The following NDRG2 variants were observed in gnomAD, a reference collection of about 807,000 sequenced individuals.
The protein encoded by NDRG2 is protein NDRG2.
In NDRG2, 34 loss-of-function variants were observed where a neutral mutation model predicts 58.2. The observed-to-expected ratio is 0.58, with a 90% confidence interval of 0.44 to 0.78. The LOEUF (loss-of-function observed/expected upper bound fraction) is 0.78, where lower values mean the gene tolerates loss of function less well. Among genes scored for constraint, NDRG2 ranks in the 30% least tolerant of loss-of-function variants. The pLI is 0.00. For synonymous variants in NDRG2, 187 were observed against 175.9 expected (o/e 1.06, Z -0.50); for missense variants, 434 against 471.2 (o/e 0.92, Z 0.73).
At position 21,020,821 on chromosome 14, in the gene NDRG2, C is replaced by T. The variant is rs1372391805; in HGVS notation, c.431G>A (p.Gly144Asp). 5 of 1,613,646 alleles carry T rather than the reference C, an allele frequency of 3.1e-6. No homozygotes were observed. The highest frequency in any genetic ancestry group is 3.4e-6 in the Non-Finnish European group (4 of 1,179,928). Residue 144 changes from glycine to aspartate, a missense_variant, in exon 7 of 16, where the codon GGT (glycine) becomes GAT (aspartate). Coordinates refer to ENST00000556147, the MANE Select transcript of NDRG2 (RefSeq NM_001320329.2). ...YLNFSTIIGV[G>D]VGAGAYILAR... ...CAGGATGTAGGCTCCAGCTCCAACACCAACTCCAATTATTGTAGAGAAACT... is the reference window on the plus strand; with the variant it reads ...CAGGATGTAGGCTCCAGCTCCAACATCAACTCCAATTATTGTAGAGAAACT...
intron 1 of NDRG2, among the ~76,000 whole-genome samples, chr14:21,049,014 A>G (rs144137728): frequency 6.6e-6 from 1 of 152,346 alleles, no homozygotes; most frequent in East Asian, 1.9e-4. Context: ...AAGATTACTT[A>G]AGGGAAGTTT....
At chr14:21,045,207 G>T (rs1416820962) in intron 1 of NDRG2, among the ~76,000 whole-genome samples, 1 of 152,180 alleles carries the variant, frequency 6.6e-6, no homozygotes, top group Non-Finnish European at 1.5e-5. Flanking sequence ...GGACAAGCCC[G>T]CAGGCAGAGT....
At chr14:21,043,614 T>A in intron 1 of NDRG2, 2 of 632,334 alleles carry the variant, frequency 3.2e-6, no homozygotes, top group Non-Finnish European at 2.8e-6. Context: ...GACACTCTGG[T>A]GAGCTGAGCT....
At chr14:21,039,073 T>C (rs547631050) in intron 1 of NDRG2, among the ~76,000 whole-genome samples, 13 of 152,320 alleles carry the variant, frequency 8.5e-5, no homozygotes, top group Non-Finnish European at 1.3e-4. Context: ...GGGCTTTCCA[T>C]TGGTATCCAG....
Position 21,021,890 on chromosome 14 carries a change from GA to G in NDRG2, c.345-12del. On this transcript the variant is annotated splice_polypyrimidine_tract_variant and intron_variant, in intron 5 of 15. Transcript: ENST00000556147. ...GATGGGTACTGATATCTGGAAAAGA[GA>G]GGCATGTTAAGGAAGATACCAACCT... 1 of 1,612,704 alleles carries G rather than the reference GA, an allele frequency of 6.2e-7. No individual in the cohort carries two copies. Among genetic ancestry groups the G allele is most frequent in the African/African-American group, 1.3e-5 (1 of 74,950 alleles).
intron 2 of NDRG2, 118 bp from the exon 3 acceptor site, chr14:21,023,023 AAG>A: frequency 8.0e-7 from 1 of 1,245,720 alleles, no homozygotes; most frequent in Non-Finnish European, 1.2e-6. Flanking sequence ...CAAAGACAGA[AAG>A]AGATTGACAA....
chr14:21,025,316 G>A (rs955153254), upstream of NDRG2: 18 of 959,708 alleles, frequency 1.9e-5, no homozygotes, highest in African/African-American at 3.5e-5. The surrounding 1 kb of genome is among the most constrained non-coding windows in gnomAD (Gnocchi z 5.1). Flanking sequence ...CCCGCATTGG[G>A]GCGGTGTGGG....
chr14:21,017,469 A>T lies in NDRG2; in HGVS notation c.*127T>A. On this transcript the variant is annotated 3_prime_UTR_variant, in exon 16 of 16. Transcript: ENST00000556147. The stretch of plus-strand genomic sequence containing the variant: ...AGGTTAGGGTAGCAATCAAAGATCA[A>T]GGTCATCTCCCCGCATGATCTGCCC... 1 of 1,059,190 alleles carries T rather than the reference A, an allele frequency of 9.4e-7. No individual in the cohort carries two copies. The highest frequency in any genetic ancestry group is 1.4e-6 in the Non-Finnish European group (1 of 740,468). 65.6% of individuals were successfully genotyped at this position (1,059,190 alleles called of 1,614,324 possible). A position where few individuals can be genotyped will look rare whatever the true frequency, so the allele number is the denominator to read the frequency against.
At chr14:21,052,360 A>T (rs1885503691) in intron 1 of NDRG2, among the ~76,000 whole-genome samples, 1 of 152,240 alleles carries the variant, frequency 6.6e-6, no homozygotes, top group South Asian at 2.1e-4. Context: ...TTTAGAACCC[A>T]AATGAGTGAT....
intron 6 of NDRG2, chr14:21,021,275 G>A (rs1173827218): frequency 2.7e-6 from 1 of 366,710 alleles, no homozygotes; most frequent in Non-Finnish European, 5.4e-6. Flanking sequence ...TGGAGAGAAT[G>A]AGGAAAAGAG....
chr14:21,027,093 G>T (rs868084161), upstream of NDRG2, among the ~76,000 whole-genome samples: 2 of 152,204 alleles, frequency 1.3e-5, no homozygotes, highest in African/African-American at 2.4e-5. Flanking sequence ...CTACGCAGGG[G>T]CGCAGGGCAG....
At chr14:21,059,654 G>A (rs987708943) in intron 1 of NDRG2, among the ~76,000 whole-genome samples, 2 of 151,896 alleles carry the variant, frequency 1.3e-5, no homozygotes, top group African/African-American at 2.4e-5. Flanking sequence ...GCATGGCACC[G>A]CACCTGGCTA....
upstream of NDRG2, chr14:21,030,563 C>T (rs1328741644): frequency 3.7e-6 from 6 of 1,611,488 alleles, no homozygotes; most frequent in South Asian, 1.1e-5. Context: ...CGACTGCCCT[C>T]CCCGACCTCT....
intron 11 of NDRG2, 150 bp from the exon 12 acceptor site, chr14:21,018,964 G>T (rs1039608953): frequency 3.2e-6 from 4 of 1,261,612 alleles, no homozygotes; most frequent in Admixed American, 2.3e-5. Flanking sequence ...GATTCAAAGG[G>T]GGAAGACCTA....
upstream of NDRG2, among the ~76,000 whole-genome samples, chr14:21,027,607 A>C (rs1413620077): frequency 6.6e-6 from 1 of 152,238 alleles, no homozygotes; most frequent in Non-Finnish European, 1.5e-5. Flanking sequence ...CTATGAATTC[A>C]TCAATACTTT....
At chr14:21,040,956 G>T (rs1002733456) in intron 1 of NDRG2, among the ~76,000 whole-genome samples, 12 of 149,296 alleles carry the variant, frequency 8.0e-5, no homozygotes, top group African/African-American at 2.7e-4. Flanking sequence ...ACAAAGGCAG[G>T]GACTTTTGTC....
At chr14:21,022,781 G>A in intron 3 of NDRG2, 83 bp downstream of exon 3, 1 of 1,384,638 alleles carries the variant, frequency 7.2e-7, no homozygotes, top group Non-Finnish European at 1.0e-6. Flanking sequence ...AAAGAGAGAA[G>A]AGAGGGCCAA....
At chr14:21,021,127 A>T (rs988023700) in intron 6 of NDRG2, 3 of 589,680 alleles carry the variant, frequency 5.1e-6, no homozygotes, top group Non-Finnish European at 3.2e-6. Context: ...CTGTTTTCCC[A>T]TATAGATAGC....
intron 1 of NDRG2, among the ~76,000 whole-genome samples, chr14:21,037,542 G>A (rs1181877198): frequency 1.3e-5 from 2 of 152,194 alleles, no homozygotes; most frequent in African/African-American, 4.8e-5. Flanking sequence ...CTGGCCTGTG[G>A]CCAGGGATAT....
Sources: gnomAD v4.1 joint callset for allele counts (sites outside exome capture counted in the v4.1 genomes callset) on GRCh38, gnomAD v4.1.1 for gene constraint, Gnocchi (gnomAD v3.1) non-coding constraint, MANE v1.5 for transcripts, NCBI Gene and HGNC (gene_info 2026-07-23, HGNC 2026-07-21) for gene names.